Variants in CPNE4 observed in about 807,000 individuals in gnomAD.
The protein encoded by CPNE4 is copine-4.
A neutral mutation model predicts 67.9 loss-of-function variants in CPNE4; 25 were observed. The ratio of observed to expected loss-of-function variants is 0.37; its 90% CI spans 0.27 to 0.51. The LOEUF (loss-of-function observed/expected upper bound fraction) is 0.51, where lower values mean the gene tolerates loss of function less well. Among genes scored for constraint, CPNE4 ranks in the 20% least tolerant of loss-of-function variants. The probability of loss-of-function intolerance (pLI) is 0.93; values close to 1 mark genes in which losing one functional copy is unlikely to be tolerated. For synonymous variants in CPNE4, 242 were observed against 244.9 expected (o/e 0.99, Z 0.11); for missense variants, 464 against 690.8 (o/e 0.67, Z 3.68).
intron 2 of CPNE4, among the ~76,000 whole-genome samples, chr3:131,835,052 A>C (rs1440831647): frequency 6.6e-6 from 1 of 152,222 alleles, no homozygotes; most frequent in East Asian, 1.9e-4. Context: ...TAATTTCAAC[A>C]AACACCCTGG....
chr3:131,564,367 A>G lies in CPNE4; in HGVS notation c.928-18T>C. On this transcript the variant is annotated intron_variant, in intron 10 of 15. Transcript: ENST00000429747. ...ATAGCTACCTAAAAGAGAAAAATAC[A>G]AGAAAAGGTAAATTTAAAGTGGATG... 1 of 1,604,694 alleles carries G rather than the reference A, an allele frequency of 6.2e-7. No individual in the cohort carries two copies.
At chr3:131,832,205 C>T (rs1292676681) in intron 2 of CPNE4, among the ~76,000 whole-genome samples, 1 of 151,976 alleles carries the variant, frequency 6.6e-6, no homozygotes, top group Non-Finnish European at 1.5e-5. Flanking sequence ...TGATTGTAAA[C>T]TCCCAAAACT....
At chr3:132,007,525 G>A (rs2073641717) in intron 1 of CPNE4, among the ~76,000 whole-genome samples, 1 of 152,136 alleles carries the variant, frequency 6.6e-6, no homozygotes, top group African/African-American at 2.4e-5. Flanking sequence ...GTTTGGCAGA[G>A]TTGCTGCACG....
At chr3:131,927,210 G>C (rs2070919750) in intron 1 of CPNE4, among the ~76,000 whole-genome samples, 1 of 151,920 alleles carries the variant, frequency 6.6e-6, no homozygotes, top group African/African-American at 2.4e-5. Context: ...TTTGTTTTTT[G>C]GTTGGTTTTG....
intron 2 of CPNE4, among the ~76,000 whole-genome samples, chr3:131,819,757 AAAC>A (rs2084893001): frequency 6.6e-6 from 1 of 152,182 alleles, no homozygotes; most frequent in Admixed American, 6.5e-5. Flanking sequence ...TTTTAGGCTA[AAAC>A]AATAGGCATT....
At position 131,890,433 on chromosome 3, in the gene CPNE4, G is replaced by GA. The variant is rs570583199; in HGVS notation, c.180+14830dup. On this transcript the variant is annotated intron_variant, in intron 2 of 15. Transcript: ENST00000429747. ...CATAGGCATTATTATTTTTTTTTTA[G>GA]AAAAAAAAAACCTACCATTAGTGAG... Among the ~76,000 whole-genome samples the GA allele has an allele frequency of 8.0e-4, 113 of 140,754 alleles. 1 individual carries two copies. The highest frequency in any genetic ancestry group is 1.6e-3 in the South Asian group (7 of 4,502). The allele number at this position is 140,754 out of a possible 152,430, so 92.3% of individuals were successfully genotyped here.
intron 2 of CPNE4, among the ~76,000 whole-genome samples, chr3:131,811,617 C>A (rs896752160): frequency 2.0e-5 from 3 of 152,088 alleles, no homozygotes; most frequent in African/African-American, 7.2e-5. Flanking sequence ...AAGTCTCTCT[C>A]TGAGAATATT....
intron 2 of CPNE4, among the ~76,000 whole-genome samples, chr3:131,784,027 C>T (rs1219462924): frequency 1.3e-5 from 2 of 152,082 alleles, no homozygotes; most frequent in African/African-American, 2.4e-5. Context: ...TTTTGCTCAG[C>T]AAATATACAA....
intron 2 of CPNE4, among the ~76,000 whole-genome samples, chr3:131,837,624 T>C (rs182002343): frequency 4.8e-4 from 72 of 151,488 alleles, no homozygotes; most frequent in African/African-American, 1.7e-3. Flanking sequence ...GTGGTGATGG[T>C]TGTACAAATC....
chr3:131,975,207 A>G (rs2072614840), intron 1 of CPNE4, among the ~76,000 whole-genome samples: 1 of 152,152 alleles, frequency 6.6e-6, no homozygotes, highest in Non-Finnish European at 1.5e-5. Flanking sequence ...GGGCTTTTAA[A>G]TGTCCCTTTC....
intron 1 of CPNE4, among the ~76,000 whole-genome samples, chr3:131,938,078 T>A (rs1311327931): frequency 6.6e-6 from 1 of 151,044 alleles, no homozygotes; most frequent in African/African-American, 2.4e-5. Context: ...TGATAAAAGG[T>A]CAGGTGCGGT....
intron 1 of CPNE4, among the ~76,000 whole-genome samples, chr3:132,005,330 TATATATATATATACACAC>T (rs1379693592): frequency 0.03 from 843 of 28,350 alleles, 18 homozygotes; most frequent in African/African-American, 0.048. Context: ...TATATATATA[TATATATATATATACACAC>T]ACACACACAC....
chr3:131,717,902 C>T (rs1438192074), intron 3 of CPNE4, among the ~76,000 whole-genome samples: 5 of 129,214 alleles, frequency 3.9e-5, no homozygotes. Flanking sequence ...TTCTTTCTTT[C>T]TTTCTTTCTT....
rs757387089 is a variant in CPNE4, at chr3:131,723,630, A to G, written c.181-5T>C. The G allele has an allele frequency of 3.7e-6, 6 of 1,608,392 alleles. No homozygotes were observed. The highest frequency in any genetic ancestry group is 5.1e-6 in the Non-Finnish European group (6 of 1,176,348). On this transcript the variant is annotated splice_polypyrimidine_tract_variant and splice_region_variant and intron_variant, in intron 2 of 15. Coordinates refer to ENST00000429747, the MANE Select transcript of CPNE4 (RefSeq NM_130808.3). ...AATCACCTCAGTCCTGTCAACCTGC[A>G]AGGAGAAAGAGAAAACCTATCAGAG...
chr3:131,695,582 A>G (rs1362679424), intron 5 of CPNE4, among the ~76,000 whole-genome samples: 1 of 152,182 alleles, frequency 6.6e-6, no homozygotes, highest in African/African-American at 2.4e-5. Context: ...AGATACTATA[A>G]AGAAGTTTTG....
Position 131,923,443 on chromosome 3 carries a change from G to A in CPNE4, c.-1-17999C>T, listed in dbSNP as rs554815449. Reference sequence around the variant, plus strand: ...GAACTGGCTGGGCGCAGTGGCTCACGCCTGTATTTCCAGCACTTTGGGAGG... The same window carrying A: ...GAACTGGCTGGGCGCAGTGGCTCACACCTGTATTTCCAGCACTTTGGGAGG... On this transcript the variant is annotated intron_variant, in intron 1 of 15. Transcript: ENST00000429747. Among the ~76,000 whole-genome samples the A allele has an allele frequency of 5.3e-5, 8 of 152,182 alleles. No individual in the cohort carries two copies. In the South Asian group the frequency reaches 1.5e-3, roughly 28 times the overall value.
At chr3:131,991,620 T>A (rs1434961504) in intron 1 of CPNE4, among the ~76,000 whole-genome samples, 1 of 136,158 alleles carries the variant, frequency 7.3e-6, no homozygotes, top group Non-Finnish European at 1.7e-5. Flanking sequence ...GACAATGCGA[T>A]AGAAAAGAAA....
At chr3:131,932,792 C>A (rs544705401) in intron 1 of CPNE4, among the ~76,000 whole-genome samples, 1 of 152,088 alleles carries the variant, frequency 6.6e-6, no homozygotes, top group East Asian at 1.9e-4. Flanking sequence ...CCAAGGCAGG[C>A]AGATCATCTG....
chr3:131,963,134 C>A (rs566948928), intron 1 of CPNE4, among the ~76,000 whole-genome samples: 5 of 151,996 alleles, frequency 3.3e-5, no homozygotes, highest in Admixed American at 3.3e-4. Flanking sequence ...TTGCCTCACC[C>A]GGGAAGTGCA....
Sources: gnomAD v4.1 joint callset for allele counts (sites outside exome capture counted in the v4.1 genomes callset) on GRCh38, gnomAD v4.1.1 for gene constraint, MANE v1.5 for transcripts, NCBI Gene and HGNC (gene_info 2026-07-23, HGNC 2026-07-21) for gene names.